PDE1C: variants seen among roughly 807,000 people sequenced by gnomAD.
PDE1C encodes the protein phosphodiesterase 1C, also known as dual specificity calcium/calmodulin-dependent 3',5'-cyclic nucleotide phosphodiesterase 1C.
PDE1C carries 62 observed loss-of-function variants against 93.1 expected under a neutral mutation model. That is an observed-to-expected ratio of 0.67 (90% CI 0.54 to 0.82). PDE1C has a LOEUF of 0.82. Ranked by LOEUF, PDE1C falls within the 40% of genes least tolerant of loss-of-function variation. The probability of loss-of-function intolerance (pLI) is 0.00; values close to 1 mark genes in which losing one functional copy is unlikely to be tolerated. For missense variants in PDE1C, 742 were observed against 884.6 expected (o/e 0.84, Z 2.04); for synonymous variants, 325 against 310.1 (o/e 1.05, Z -0.50).
chr7:32,252,149 T>C (rs10236197), intron 1 of PDE1C, among the ~76,000 whole-genome samples: 62,568 of 152,194 alleles, frequency 0.41, 13,715 homozygotes, highest in African/African-American at 0.55. Context: ...TCTGACCTGC[T>C]TACTTTTAGT....
intron 6 of PDE1C, among the ~76,000 whole-genome samples, chr7:31,869,127 C>T (rs936684909): frequency 3.9e-5 from 6 of 151,936 alleles, no homozygotes; most frequent in South Asian, 4.1e-4. Context: ...AGCAAATACA[C>T]AAATGAGGAA....
intron 3 of PDE1C, among the ~76,000 whole-genome samples, chr7:32,143,378 T>C (rs17424588): frequency 0.2 from 30,452 of 150,466 alleles, 3,729 homozygotes; most frequent in Middle Eastern, 0.3. Context: ...CGGCCTGACC[T>C]AGGGAACAGC....
intron 1 of PDE1C, among the ~76,000 whole-genome samples, chr7:32,053,863 G>A (rs1037073389): frequency 6.6e-6 from 1 of 152,088 alleles, no homozygotes; most frequent in African/African-American, 2.4e-5. Context: ...TAAAAAGGAA[G>A]TTAAGACATG....
chr7:32,096,877 A>C (rs1021723877), intron 3 of PDE1C, among the ~76,000 whole-genome samples: 1 of 152,014 alleles, frequency 6.6e-6, no homozygotes, highest in Non-Finnish European at 1.5e-5. Flanking sequence ...ACAGATCAAC[A>C]GTCAGCCATA....
intron 2 of PDE1C, among the ~76,000 whole-genome samples, chr7:32,205,811 G>A (rs749222019): frequency 1.3e-5 from 2 of 152,158 alleles, no homozygotes; most frequent in African/African-American, 4.8e-5. Flanking sequence ...TTTAAGAGCT[G>A]TAACAGTCAT....
At chr7:31,847,855 G>T in intron 9 of PDE1C, 113 bp downstream of exon 9, 1 of 1,092,520 alleles carries the variant, frequency 9.2e-7, no homozygotes, top group East Asian at 2.4e-5. Context: ...GAGAGAGAAA[G>T]CAACACGAAT....
At chr7:31,971,610 C>T (rs1290161618) in intron 2 of PDE1C, among the ~76,000 whole-genome samples, 1 of 152,160 alleles carries the variant, frequency 6.6e-6, no homozygotes, top group Non-Finnish European at 1.5e-5. Flanking sequence ...TGCCACCTGC[C>T]CTGCCCTGCT....
chr7:31,627,641 C>T, the PDE1C span, among the ~76,000 whole-genome samples: 1 of 101,190 alleles, frequency 9.9e-6, no homozygotes, highest in Non-Finnish European at 1.8e-5. Context: ...GCCTGAGCAA[C>T]AGAGCAAGAC....
intron 1 of PDE1C, among the ~76,000 whole-genome samples, chr7:32,314,035 T>TAA (rs931072606): frequency 1.3e-5 from 2 of 151,726 alleles, no homozygotes; most frequent in Admixed American, 1.3e-4. Flanking sequence ...ACTAAGCCAA[T>TAA]AAAAGTAAAT....
chr7:32,369,314 G>A (rs1200675011), intron 1 of PDE1C, among the ~76,000 whole-genome samples: 1 of 152,058 alleles, frequency 6.6e-6, no homozygotes, highest in Non-Finnish European at 1.5e-5. Context: ...ACAAATTAAT[G>A]TAAAAGTAGG....
chr7:31,640,605 CT>C, the PDE1C span, among the ~76,000 whole-genome samples: 646 of 152,100 alleles, frequency 4.2e-3, 9 homozygotes, highest in African/African-American at 0.014. Flanking sequence ...TCAAGGACTG[CT>C]GTCTGTAACT....
chr7:31,964,053 C>T (rs1809479276), intron 2 of PDE1C, among the ~76,000 whole-genome samples: 1 of 152,230 alleles, frequency 6.6e-6, no homozygotes, highest in Non-Finnish European at 1.5e-5. Context: ...CGGGTGATTT[C>T]TGCATTTCCA....
intron 3 of PDE1C, among the ~76,000 whole-genome samples, chr7:32,130,908 T>G (rs1371464537): frequency 6.6e-6 from 1 of 152,030 alleles, no homozygotes; most frequent in Non-Finnish European, 1.5e-5. Flanking sequence ...ACTCCCATCA[T>G]AATAATAATG....
At chr7:31,746,875 G>A (rs1423769732), downstream of PDE1C, among the ~76,000 whole-genome samples, 1 of 152,182 alleles carries the variant, frequency 6.6e-6, no homozygotes, top group Non-Finnish European at 1.5e-5. Context: ...TGGATTAACT[G>A]ATGAGAGGTG....
chr7:32,222,948 T>C (rs984149542), intron 1 of PDE1C, among the ~76,000 whole-genome samples: 2 of 152,206 alleles, frequency 1.3e-5, no homozygotes, highest in Non-Finnish European at 2.9e-5. Context: ...GTCATACTCA[T>C]AGCCCTTGCA....
At chr7:31,767,949 C>T (rs1249604914) in intron 17 of PDE1C, among the ~76,000 whole-genome samples, 2 of 152,214 alleles carry the variant, frequency 1.3e-5, no homozygotes, top group Non-Finnish European at 2.9e-5. Context: ...AACATCATCA[C>T]ATTGTGTGGG....
chr7:31,839,600 T>C (rs1032450702), intron 9 of PDE1C, among the ~76,000 whole-genome samples: 44 of 152,338 alleles, frequency 2.9e-4, no homozygotes, highest in African/African-American at 1.1e-3. Flanking sequence ...ATTCAAGTTA[T>C]TAGATTCTAG....
At chr7:31,934,195 A>G (rs1268967196) in intron 2 of PDE1C, among the ~76,000 whole-genome samples, 1 of 152,020 alleles carries the variant, frequency 6.6e-6, no homozygotes, top group African/African-American at 2.4e-5. Flanking sequence ...TGAATGTAGG[A>G]CTCCTCTCAC....
intron 1 of PDE1C, among the ~76,000 whole-genome samples, chr7:32,355,908 A>G (rs6979807): frequency 0.17 from 25,512 of 152,198 alleles, 2,729 homozygotes; most frequent in South Asian, 0.44. Context: ...ATACAAATTT[A>G]TTTCCAAAAG....
Sources: allele counts gnomAD v4.1 joint callset (sites outside exome capture counted in the v4.1 genomes callset), GRCh38; gene constraint gnomAD v4.1.1; transcripts MANE v1.5; gene names NCBI Gene and HGNC (gene_info 2026-07-23, HGNC 2026-07-21).